The following SAP130 variants were observed in gnomAD, a reference collection of about 807,000 sequenced individuals.
SAP130 encodes the protein Sin3A associated protein 130.
A neutral mutation model predicts 103.2 loss-of-function variants in SAP130; 16 were observed. The ratio of observed to expected loss-of-function variants is 0.16; its 90% confidence interval spans 0.10 to 0.24. SAP130 has a LOEUF of 0.24. Among genes scored for constraint, SAP130 ranks in the 10% least tolerant of loss-of-function variants. The probability of loss-of-function intolerance (pLI) is 1.00; values close to 1 mark genes in which losing one functional copy is unlikely to be tolerated. For synonymous variants in SAP130, 477 were observed against 497.0 expected, an observed-to-expected ratio of 0.96 and a Z score of 0.53; for missense variants, 990 against 1,359.7, an observed-to-expected ratio of 0.73 and a Z score of 4.28.
chr2:127,982,170 CAAAAA>C (rs561436701), intron 14 of SAP130, among the ~76,000 whole-genome samples: 1 of 140,180 alleles, frequency 7.1e-6, no homozygotes, highest in Non-Finnish European at 1.6e-5. Context: ...CAAAGAAGAG[CAAAAA>C]AAAAAAATTT....
chr2:128,005,549 A>T (rs1683896459), intron 7 of SAP130, among the ~76,000 whole-genome samples: 1 of 151,972 alleles, frequency 6.6e-6, no homozygotes, highest in African/African-American at 2.4e-5. Flanking sequence ...CGGGGGGTGG[A>T]GACTGCAGTG....
At chr2:127,943,984 G>A (rs1678884867) in intron 19 of SAP130, among the ~76,000 whole-genome samples, 1 of 152,086 alleles carries the variant, frequency 6.6e-6, no homozygotes. Context: ...ATACTGTTGG[G>A]CGGTTACAAA....
In SAP130 at chr2:127,959,209, TTG is replaced by T. The variant is rs577476245; in HGVS notation, c.2064-3867_2064-3866del. On this transcript the variant is annotated intron_variant, in intron 15 of 20. Coordinates refer to ENST00000643581, the MANE Select transcript of SAP130 (RefSeq NM_001330301.2). ...CAGTTCCCTGGATTTGCTTTTTTCC[TTG>T]TGTGTCCCGGACAGGGCGCTGGAGA... Among the ~76,000 whole-genome samples, 36 of 152,246 alleles carry T rather than the reference TTG, an allele frequency of 2.4e-4. No individual in the cohort carries two copies. The East Asian group carries it at 6.9e-3, about 29-fold the overall frequency.
chr2:127,998,172 A>G (rs922745399), intron 10 of SAP130, among the ~76,000 whole-genome samples: 4 of 152,174 alleles, frequency 2.6e-5, no homozygotes, highest in African/African-American at 7.2e-5. Flanking sequence ...GGAACTATAT[A>G]GCACAGAAAA....
chr2:127,989,545 T>A lies in SAP130; in HGVS notation c.1780+19A>T. On this transcript the variant is annotated intron_variant, in intron 13 of 20. Coordinates refer to ENST00000643581, the MANE Select transcript of SAP130 (RefSeq NM_001330301.2). This position sits in a 1 kb window ranked among gnomAD's most constrained non-coding sequence, Gnocchi z 4.6. ...TTTCTTTTCTCCAAACCACCTTCTA[T>A]GCAAAAATTTAAAATTACCTGAAGT... 3 of 1,586,664 alleles carry A rather than the reference T, an allele frequency of 1.9e-6. No individual in the cohort carries two copies. Among genetic ancestry groups the A allele is most frequent in the Non-Finnish European group, 2.6e-6 (3 of 1,164,352 alleles).
rs1393359916 is a variant in SAP130 at position 127,955,668 on chromosome 2, T to G, written c.2064-324A>C. 2.0e-5 allele frequency among the ~76,000 whole-genome samples: 3 copies of G among 152,004 alleles called. No individual in the cohort carries two copies. On this transcript the variant is annotated intron_variant, in intron 15 of 20. Coordinates refer to ENST00000643581, the MANE Select transcript of SAP130 (RefSeq NM_001330301.2). This position sits in a 1 kb window ranked among gnomAD's most constrained non-coding sequence, Gnocchi z 4.9. ...TGCCAGGCTAATTTTTGTATTTTTT[T>G]GTGGAGATGGGGTTTCACCATGTTG...
chr2:127,946,075 T>A (rs1266635266), intron 18 of SAP130, among the ~76,000 whole-genome samples: 1 of 152,152 alleles, frequency 6.6e-6, no homozygotes, highest in Non-Finnish European at 1.5e-5. Context: ...GGGCTGTCAC[T>A]CAGAGAGAAG....
rs182432575 is a variant in SAP130 at position 128,023,606 on chromosome 2, C to T, written c.112+2575G>A. 2.0e-4 allele frequency among the ~76,000 whole-genome samples: 31 copies of T among 152,102 alleles called. 1 individual carries two copies. In the Middle Eastern group the frequency reaches 0.01, roughly 50 times the overall value. On this transcript the variant is annotated intron_variant, in intron 2 of 20. Transcript: ENST00000643581. Reference sequence around the variant, plus strand: ...TATCCTGGCTAACACAGTGAAACACCGTCTCTACTAAAAAATACAAAAAAT... The same window carrying T: ...TATCCTGGCTAACACAGTGAAACACTGTCTCTACTAAAAAATACAAAAAAT...
chr2:128,001,134 G>T (rs1265751278), intron 7 of SAP130, among the ~76,000 whole-genome samples: 1 of 152,174 alleles, frequency 6.6e-6, no homozygotes, highest in Admixed American at 6.5e-5. Flanking sequence ...AGTTATGGCT[G>T]CCTCAGGATT....
intron 1 of SAP130, among the ~76,000 whole-genome samples, chr2:128,026,591 C>T (rs1276168745): frequency 6.6e-6 from 1 of 152,166 alleles, no homozygotes; most frequent in Non-Finnish European, 1.5e-5. Flanking sequence ...AGTCACATGA[C>T]AGGTATTACC....
At chr2:128,017,630 A>G (rs1229793354) in intron 3 of SAP130, 50 bp downstream of exon 3, 3 of 1,445,620 alleles carry the variant, frequency 2.1e-6, no homozygotes, top group Non-Finnish European at 2.9e-6. Context: ...TACAAACATT[A>G]GCCAGTCTCG....
intron 18 of SAP130, among the ~76,000 whole-genome samples, chr2:127,947,761 T>TGTGTGTGA (rs1374035024): frequency 8.1e-6 from 1 of 122,884 alleles, no homozygotes; most frequent in African/African-American, 3.3e-5. Context: ...GTATTGTGTG[T>TGTGTGTGA]GTCTGTGTGT....
Position 128,001,262 on chromosome 2 carries a change from A to T in SAP130, c.870-808T>A, listed in dbSNP as rs114482177. ...GGCTATTCAAATCAGAGGGGAGGCCACAGGCGGCAGCTCACACCAGTAATC... is the reference window on the plus strand; with the variant it reads ...GGCTATTCAAATCAGAGGGGAGGCCTCAGGCGGCAGCTCACACCAGTAATC... On this transcript the variant is annotated intron_variant, in intron 7 of 20. Transcript: ENST00000643581. Among the ~76,000 whole-genome samples, 356 of 152,318 alleles carry T rather than the reference A, an allele frequency of 2.3e-3. 1 individual carries two copies. The highest frequency in any genetic ancestry group is 8.2e-3 in the African/African-American group (342 of 41,582).
chr2:127,995,254 G>A (rs1482022911), intron 11 of SAP130, among the ~76,000 whole-genome samples: 1 of 152,186 alleles, frequency 6.6e-6, no homozygotes, highest in Non-Finnish European at 1.5e-5. Flanking sequence ...AATGACAAGG[G>A]GCTCCTTGGA....
rs1045141105 is a variant in SAP130, at chr2:127,989,762, G to A, written c.1582C>T (p.His528Tyr). Reference sequence around the variant, plus strand: ...TGGATCCCTTGAATATGTCGAGCATGCGATGCATCCACTGTCATCAACTGC... The same window carrying A: ...TGGATCCCTTGAATATGTCGAGCATACGATGCATCCACTGTCATCAACTGC... Reference protein sequence around the residue: ...PMQLMTVDASHARHIQGIQPA... With the variant: ...PMQLMTVDASYARHIQGIQPA... The change falls in exon 13 of 21, where the codon CAT becomes TAT. Residue 528 changes from histidine to tyrosine, a missense_variant. His to Tyr is a moderately conservative substitution (Grantham distance 83, BLOSUM62 2). This residue lies in a region of SAP130 where 336 missense variants were observed against 520.1 expected (regional missense o/e 0.65). Coordinates refer to ENST00000643581, the MANE Select transcript of SAP130 (RefSeq NM_001330301.2). The surrounding 1 kb of genome is among the most constrained non-coding windows in gnomAD (Gnocchi z 4.6). 6.2e-7 allele frequency: 1 copy of A among 1,614,200 alleles called. No homozygotes were observed. Among genetic ancestry groups the A allele is most frequent in the Non-Finnish European group, 8.5e-7 (1 of 1,180,034 alleles).
intron 7 of SAP130, among the ~76,000 whole-genome samples, chr2:128,005,123 A>G (rs192123505): frequency 1.7e-3 from 257 of 152,330 alleles, no homozygotes; most frequent in Non-Finnish European, 3.3e-3. Context: ...ATAAGAACTC[A>G]GTGGAAATGA....
Position 127,950,302 on chromosome 2 carries a change from T to C in SAP130, c.2529A>G (p.Lys843=), listed in dbSNP as rs34903816. ...TCACATGCTGTTGCTTTCGAGGCTT[T>C]TTCCTTGGGGAGGCACCAGGTGGTA... ...SDLPPGASPR[K]KPRKQQHVIS... Residue 843 remains lysine, a synonymous_variant, in exon 17 of 21, where the codon AAA becomes AAG. Transcript: ENST00000643581. The C allele has an allele frequency of 1.2e-6, 2 of 1,614,176 alleles. No individual in the cohort carries two copies. The highest frequency in any genetic ancestry group is 1.1e-5 in the South Asian group (1 of 91,080).
At chr2:127,993,481 A>T (rs981763173) in intron 11 of SAP130, among the ~76,000 whole-genome samples, 173 bp from the exon 12 acceptor site, 20 of 143,950 alleles carry the variant, frequency 1.4e-4, no homozygotes, top group African/African-American at 3.3e-4. Flanking sequence ...ATGCAAAATT[A>T]AAAAAAAAAA....
chr2:127,973,013 G>C (rs1681196662), intron 15 of SAP130, among the ~76,000 whole-genome samples: 2 of 152,220 alleles, frequency 1.3e-5, no homozygotes, highest in Admixed American at 1.3e-4. Flanking sequence ...ACACACCTCA[G>C]AACATCACAC....
Sources: allele counts gnomAD v4.1 joint callset (sites outside exome capture counted in the v4.1 genomes callset), GRCh38; gene constraint gnomAD v4.1.1; regional missense constraint gnomAD v4.1.1; non-coding constraint Gnocchi (gnomAD v3.1); transcripts MANE v1.5; gene names NCBI Gene and HGNC (gene_info 2026-07-23, HGNC 2026-07-21).